The following PCDHGA2 variants were observed in gnomAD, a reference collection of about 807,000 sequenced individuals.
The protein encoded by PCDHGA2 is protocadherin gamma-A2.
Under a neutral mutation model 59.2 loss-of-function variants are expected in PCDHGA2, and 40 were observed. The ratio of observed to expected loss-of-function variants is 0.68; its 90% CI spans 0.52 to 0.88. The LOEUF is 0.88. PCDHGA2 is among the 40% of genes least tolerant of loss of function. The pLI is 0.00. For synonymous variants in PCDHGA2, 560 were observed against 526.0 expected (o/e 1.06, Z -0.89); for missense variants, 1,226 against 1,204.0 (o/e 1.02, Z -0.27).
At chr5:141,495,697 A>G (rs1010733016) in intron 2 of PCDHGA2, among the ~76,000 whole-genome samples, 1 of 152,086 alleles carries the variant, frequency 6.6e-6, no homozygotes, top group Non-Finnish European at 1.5e-5. Flanking sequence ...AGTGCTCAAT[A>G]AATGTGGAGT....
chr5:141,373,689 C>T (rs575785726), intron 1 of PCDHGA2, among the ~76,000 whole-genome samples: 2 of 152,314 alleles, frequency 1.3e-5, no homozygotes, highest in East Asian at 1.9e-4. Context: ...CTTCAGAGAA[C>T]ATTTAAAATT....
intron 1 of PCDHGA2, among the ~76,000 whole-genome samples, chr5:141,450,022 T>TTTTC: frequency 6.7e-6 from 1 of 149,424 alleles, no homozygotes; most frequent in Admixed American, 6.7e-5. Context: ...TTTTTTTTTT[T>TTTTC]TTGAGACAGG....
chr5:141,451,408 T>C (rs1244686397), intron 1 of PCDHGA2, among the ~76,000 whole-genome samples: 1 of 152,204 alleles, frequency 6.6e-6, no homozygotes, highest in Non-Finnish European at 1.5e-5. Flanking sequence ...ATTAAGTTCC[T>C]TGTGGATTGT....
intron 1 of PCDHGA2, chr5:141,355,547 T>A: frequency 1.2e-6 from 2 of 1,613,910 alleles, no homozygotes; most frequent in Non-Finnish European, 1.7e-6. Flanking sequence ...ACAGTGAAGA[T>A]TTTGCGGGTA....
intron 1 of PCDHGA2, among the ~76,000 whole-genome samples, chr5:141,449,331 G>T (rs1054980032): frequency 3.3e-5 from 5 of 151,950 alleles, no homozygotes; most frequent in Admixed American, 3.3e-4. Flanking sequence ...TGTAGGCCAG[G>T]TGCAGTGGCT....
intron 1 of PCDHGA2, chr5:141,370,893 C>A (rs116495533): frequency 6.2e-7 from 1 of 1,613,944 alleles, no homozygotes; most frequent in African/African-American, 1.3e-5. Flanking sequence ...TGTCAATTCG[C>A]TGCAGCAGTA....
intron 1 of PCDHGA2, chr5:141,351,562 C>A: frequency 1.9e-6 from 3 of 1,614,052 alleles, no homozygotes; most frequent in Non-Finnish European, 2.5e-6. Context: ...GGACAAGCAT[C>A]ACCCTGCACA....
rs115035052 is a variant in PCDHGA2 at position 141,382,317 on chromosome 5, G to A, written c.2424+40922G>A. ...TTAATTAAAATTTATATACACTGAT[G>A]TAAATATTTTCTAAGTAAAATCTTT... On this transcript the variant is annotated intron_variant, in intron 1 of 3. Coordinates refer to ENST00000394576, the MANE Select transcript of PCDHGA2 (RefSeq NM_018915.4). Among the ~76,000 whole-genome samples the A allele has an allele frequency of 4.6e-3, 694 of 152,278 alleles. 4 individuals are homozygous for A. The highest frequency in any genetic ancestry group is 0.015 in the African/African-American group (631 of 41,554).
intron 1 of PCDHGA2, chr5:141,377,893 TC>T (rs1774447878): frequency 6.6e-6 from 1 of 152,178 alleles, no homozygotes; most frequent in Admixed American, 6.5e-5. Flanking sequence ...AGGATCCCCC[TC>T]TGTTGCCCAG....
chr5:141,346,023 G>A (rs371997485), intron 1 of PCDHGA2: 1 of 1,613,446 alleles, frequency 6.2e-7, no homozygotes, highest in Non-Finnish European at 8.5e-7. Flanking sequence ...CACCGTGGCC[G>A]TGGCCGACAG....
intron 1 of PCDHGA2, among the ~76,000 whole-genome samples, chr5:141,369,354 A>G (rs1766176337): frequency 6.6e-6 from 1 of 152,198 alleles, no homozygotes; most frequent in Non-Finnish European, 1.5e-5. Flanking sequence ...GTGATGTAGT[A>G]TGAAAAAACA....
At chr5:141,508,267 C>G (rs993402135) in intron 3 of PCDHGA2, 5 of 152,336 alleles carry the variant, frequency 3.3e-5, no homozygotes, top group African/African-American at 9.6e-5. Context: ...AAGAGAAAAT[C>G]CCGGTCCTTG....
intron 1 of PCDHGA2, chr5:141,345,074 TACA>T (rs1757515927): frequency 6.2e-7 from 1 of 1,613,826 alleles, no homozygotes; most frequent in Non-Finnish European, 8.5e-7. Flanking sequence ...CTCCAGAAAT[TACA>T]ATCACGTCTC....
chr5:141,364,683 G>A (rs1344688036), intron 1 of PCDHGA2: 6 of 1,613,976 alleles, frequency 3.7e-6, no homozygotes, highest in Non-Finnish European at 5.1e-6. Flanking sequence ...AAAATTTATG[G>A]AGTAGAAGTA....
Position 141,340,810 on chromosome 5 carries a change from G to C in PCDHGA2, c.1839G>C (p.Glu613Asp). Residue 613 changes from glutamate (E) to aspartate (D), a missense_variant, in exon 1 of 4, where the codon GAG (glutamate) becomes GAC (aspartate). Glu to Asp is a conservative substitution (Grantham distance 45). Coordinates refer to ENST00000394576, the MANE Select transcript of PCDHGA2 (RefSeq NM_018915.4). The part of the protein sequence containing the change: ...WLSYHLLKAS[E>D]PGLFSVGLHT... ...CTTACCACCTGCTCAAGGCCAGCGAGCCGGGACTCTTCTCGGTGGGTCTGC... is the reference window on the plus strand; with the variant it reads ...CTTACCACCTGCTCAAGGCCAGCGACCCGGGACTCTTCTCGGTGGGTCTGC... 1 of 1,613,942 alleles carries C rather than the reference G, an allele frequency of 6.2e-7. No homozygotes were observed. The highest frequency in any genetic ancestry group is 8.5e-7 in the Non-Finnish European group (1 of 1,180,022).
intron 1 of PCDHGA2, among the ~76,000 whole-genome samples, chr5:141,456,584 A>G (rs990911693): frequency 6.6e-6 from 1 of 152,212 alleles, no homozygotes; most frequent in Non-Finnish European, 1.5e-5. Flanking sequence ...TGAGCCTGTC[A>G]ATAATTTTGA....
In PCDHGA2 at chr5:141,490,751, C is replaced by T. The variant is rs2099703884; in HGVS notation, c.2425-4056C>T. 6.2e-6 allele frequency: 10 copies of T among 1,614,092 alleles called. No individual in the cohort carries two copies. The highest frequency in any genetic ancestry group is 1.7e-5 in the Admixed American group (1 of 60,012). ...AATCAGGTTCAGGGAGCCCCAGCCT[C>T]CTCCTTTGTGTATGTCAACCCAGAG... On this transcript the variant is annotated intron_variant, in intron 1 of 3. Coordinates refer to ENST00000394576, the MANE Select transcript of PCDHGA2 (RefSeq NM_018915.4). This position sits in a 1 kb window ranked among gnomAD's most constrained non-coding sequence, Gnocchi z 5.4.
At chr5:141,383,401 CAG>C (rs1246270441) in intron 1 of PCDHGA2, 1 of 1,614,016 alleles carries the variant, frequency 6.2e-7, no homozygotes. Context: ...GAACTCCCTC[CAG>C]AGTTACCAGC....
Position 141,423,176 on chromosome 5 carries a change from A to C in PCDHGA2, c.2425-71631A>C, listed in dbSNP as rs781125798. Reference sequence around the variant, plus strand: ...AGCCTCGTGGTGGCCGTCCAGGACCACGGCCAGCCCCCTCTCTCGGCCACC... The same window carrying C: ...AGCCTCGTGGTGGCCGTCCAGGACCCCGGCCAGCCCCCTCTCTCGGCCACC... On this transcript the variant is annotated intron_variant, in intron 1 of 3. Transcript: ENST00000394576. 1.7e-5 allele frequency: 28 copies of C among 1,613,356 alleles called. No homozygotes were observed. In the African/African-American group the frequency reaches 3.6e-4, roughly 21 times the overall value.
Sources: gnomAD v4.1 joint callset for allele counts (sites outside exome capture counted in the v4.1 genomes callset) on GRCh38, gnomAD v4.1.1 for gene constraint, Gnocchi (gnomAD v3.1) non-coding constraint, MANE v1.5 for transcripts, NCBI Gene and HGNC (gene_info 2026-07-23, HGNC 2026-07-21) for gene names.